LMO1: variants seen among roughly 807,000 people sequenced by gnomAD.
LMO1 encodes LIM domain only 1.
LMO1 carries 10 observed loss-of-function variants against 18.0 expected under a neutral mutation model. The ratio of observed to expected loss-of-function variants is 0.55; its 90% confidence interval spans 0.34 to 0.94. LMO1 has a LOEUF of 0.94. Among genes scored for constraint, LMO1 ranks in the 40% least tolerant of loss-of-function variants. The probability of loss-of-function intolerance (pLI) is 0.02; values close to 1 mark genes in which losing one functional copy is unlikely to be tolerated. For synonymous variants in LMO1, 77 were observed against 77.9 expected, an observed-to-expected ratio of 0.99 and a Z score of 0.06; for missense variants, 183 against 205.7, an observed-to-expected ratio of 0.89 and a Z score of 0.68.
intron 1 of LMO1, among the ~76,000 whole-genome samples, chr11:8,232,362 A>C (rs376689864): frequency 6.8e-4 from 104 of 152,328 alleles, no homozygotes; most frequent in African/African-American, 2.4e-3. Context: ...GAGCCCAAGG[A>C]GGGCAGCTGG....
upstream of LMO1, among the ~76,000 whole-genome samples, chr11:8,264,120 A>G (rs1847235891): frequency 6.6e-6 from 1 of 151,986 alleles, no homozygotes; most frequent in African/African-American, 2.4e-5. Flanking sequence ...TCTCTTCTTC[A>G]GAGCAATATT....
intron 1 of LMO1, among the ~76,000 whole-genome samples, chr11:8,242,610 G>A (rs866933865): frequency 2.6e-5 from 4 of 152,168 alleles, no homozygotes; most frequent in Admixed American, 6.5e-5. Flanking sequence ...ACGGGATGCC[G>A]CTTGAAGCTG....
chr11:8,261,480 G>C (rs577287458), intron 1 of LMO1, among the ~76,000 whole-genome samples: 1 of 152,348 alleles, frequency 6.6e-6, no homozygotes, highest in South Asian at 2.1e-4. Context: ...CAGGTAGGGG[G>C]TGTCATCTTG....
At chr11:8,261,440 T>C (rs958334958) in intron 1 of LMO1, among the ~76,000 whole-genome samples, 3 of 152,232 alleles carry the variant, frequency 2.0e-5, no homozygotes, top group Non-Finnish European at 4.4e-5. Flanking sequence ...AGGCATCATG[T>C]GGTGCCTGGG....
chr11:8,241,411 T>C (rs796849897), intron 1 of LMO1, among the ~76,000 whole-genome samples: 4 of 152,368 alleles, frequency 2.6e-5, no homozygotes, highest in African/African-American at 9.6e-5. Flanking sequence ...GGCAGGTCAC[T>C]GCTCAACTTG....
intron 1 of LMO1, among the ~76,000 whole-genome samples, chr11:8,262,791 T>G (rs1331885088): frequency 1.3e-5 from 2 of 151,846 alleles, no homozygotes; most frequent in Non-Finnish European, 2.9e-5. Context: ...CCCCGGAGGG[T>G]CCAACCCGCC....
At chr11:8,241,377 G>A (rs1200237316) in intron 1 of LMO1, among the ~76,000 whole-genome samples, 2 of 152,230 alleles carry the variant, frequency 1.3e-5, no homozygotes, top group African/African-American at 4.8e-5. Flanking sequence ...CACGGCAGCT[G>A]GAGAGATCTT....
chr11:8,225,054 AG>A (rs1182195500), intron 3 of LMO1, among the ~76,000 whole-genome samples: 2 of 152,218 alleles, frequency 1.3e-5, no homozygotes, highest in East Asian at 3.9e-4. Context: ...AGCCTACCCC[AG>A]TCCCAGAGAG....
rs76537973 is a variant in LMO1 at position 8,241,369 on chromosome 11, C to A, written c.26-10865G>T. Among the ~76,000 whole-genome samples, 16 of 152,364 alleles carry A rather than the reference C, an allele frequency of 1.1e-4. No individual in the cohort carries two copies. In the East Asian group the frequency reaches 2.3e-3, roughly 22 times the overall value. On this transcript the variant is annotated intron_variant, in intron 1 of 3. Transcript: ENST00000335790. Reference sequence around the variant, plus strand: ...TGGTACCCACAGCCAATTCTTCACACGGCAGCTGGAGAGATCTTCCAGATG... The same window carrying A: ...TGGTACCCACAGCCAATTCTTCACAAGGCAGCTGGAGAGATCTTCCAGATG...
chr11:8,249,367 C>T (rs544224823), intron 1 of LMO1, among the ~76,000 whole-genome samples: 2 of 152,326 alleles, frequency 1.3e-5, no homozygotes, highest in Admixed American at 1.3e-4. Context: ...CCATCATATG[C>T]TGCTTTCTCT....
chr11:8,244,446 T>C (rs943374427), intron 1 of LMO1, among the ~76,000 whole-genome samples: 45 of 152,386 alleles, frequency 3.0e-4, no homozygotes, highest in African/African-American at 9.1e-4. Context: ...GGAACCCGCA[T>C]GGCGGGCACA....
chr11:8,263,230 C>T, intron 1 of LMO1, 108 bp downstream of exon 1: 1 of 1,072,394 alleles, frequency 9.3e-7, no homozygotes, highest in Non-Finnish European at 1.2e-6. Flanking sequence ...CCCCGCAATC[C>T]CCGCACAGCC....
At chr11:8,264,187 C>T (rs1847236615), upstream of LMO1, among the ~76,000 whole-genome samples, 1 of 151,618 alleles carries the variant, frequency 6.6e-6, no homozygotes. Context: ...CGTGTTGCTT[C>T]CCGGATTGTT....
intron 2 of LMO1, among the ~76,000 whole-genome samples, chr11:8,229,749 G>A (rs78731714): frequency 0.016 from 2,397 of 152,344 alleles, 52 homozygotes; most frequent in African/African-American, 0.052. Flanking sequence ...TCCAACCCAG[G>A]TCTTGAAGCT....
Position 8,235,170 on chromosome 11 carries a change from A to C in LMO1, c.26-4666T>G, listed in dbSNP as rs574100092. On this transcript the variant is annotated intron_variant, in intron 1 of 3. Coordinates refer to ENST00000335790, the MANE Select transcript of LMO1 (RefSeq NM_002315.3). ...CCCAGGATACCATCCCTGCTCGGGCACTTGCTTTCTTTTTCTTTTAACTTT... is the reference window on the plus strand; with the variant it reads ...CCCAGGATACCATCCCTGCTCGGGCCCTTGCTTTCTTTTTCTTTTAACTTT... Among the ~76,000 whole-genome samples the C allele has an allele frequency of 1.1e-4, 16 of 152,338 alleles. No homozygotes were observed. In the East Asian group the frequency reaches 1.7e-3, roughly 17 times the overall value.
chr11:8,231,896 A>C (rs976227616), intron 1 of LMO1, among the ~76,000 whole-genome samples: 1 of 152,136 alleles, frequency 6.6e-6, no homozygotes, highest in Non-Finnish European at 1.5e-5. Flanking sequence ...AACAAGCCAC[A>C]AGAGGCCTTG....
intron 1 of LMO1, among the ~76,000 whole-genome samples, chr11:8,238,670 C>CAAAAA (rs11375128): frequency 1.5e-4 from 9 of 60,860 alleles, no homozygotes; most frequent in East Asian, 4.7e-4. Flanking sequence ...GACTCCATCT[C>CAAAAA]AAAAAAAAAA....
At chr11:8,249,254 T>C (rs1245417803) in intron 1 of LMO1, among the ~76,000 whole-genome samples, 3 of 152,010 alleles carry the variant, frequency 2.0e-5, no homozygotes, top group African/African-American at 7.3e-5. Flanking sequence ...GACTGCGAGC[T>C]CTGGACGAAA....
intron 1 of LMO1, among the ~76,000 whole-genome samples, chr11:8,255,894 C>G (rs930779135): frequency 7.6e-6 from 1 of 132,162 alleles, no homozygotes; most frequent in Non-Finnish European, 1.5e-5. Flanking sequence ...GGCGGGATCT[C>G]GGCTCACTGC....
Sources: gnomAD v4.1 joint callset for allele counts (sites outside exome capture counted in the v4.1 genomes callset) on GRCh38, gnomAD v4.1.1 for gene constraint, MANE v1.5 for transcripts, NCBI Gene and HGNC (gene_info 2026-07-23, HGNC 2026-07-21) for gene names.